RARB: variants seen among roughly 807,000 people sequenced by gnomAD.
RARB encodes retinoic acid receptor beta, also known as HBV-activated protein.
Under a neutral mutation model 51.9 loss-of-function variants are expected in RARB, and 17 were observed. The observed-to-expected ratio is 0.33, with a 90% confidence interval of 0.22 to 0.49. The LOEUF (loss-of-function observed/expected upper bound fraction) is 0.49, where lower values mean the gene tolerates loss of function less well. RARB is among the 20% of genes least tolerant of loss of function. RARB has a pLI of 0.99. For missense variants in RARB, 369 were observed against 550.8 expected (o/e 0.67, Z 3.30); for synonymous variants, 215 against 195.4 (o/e 1.10, Z -0.84).
At chr3:25,345,375 C>A (rs114591161) in intron 5 of RARB, among the ~76,000 whole-genome samples, 6,354 of 152,108 alleles carry the variant, frequency 0.042, 165 homozygotes, top group Middle Eastern at 0.061. Flanking sequence ...AAACTATAAG[C>A]AATTCATCTG....
chr3:25,078,583 C>T (rs1028233196), intron 3 of RARB, among the ~76,000 whole-genome samples: 1 of 147,894 alleles, frequency 6.8e-6, no homozygotes, highest in Admixed American at 6.8e-5. Flanking sequence ...GTTGCCCAGG[C>T]TGGAGTGCAG....
intron 2 of RARB, among the ~76,000 whole-genome samples, chr3:24,903,199 C>T (rs2125373237): frequency 6.6e-6 from 1 of 152,042 alleles, no homozygotes; most frequent in Admixed American, 6.5e-5. Context: ...TTTTTTATCT[C>T]TTACAATAGG....
chr3:24,872,186 C>T (rs75607755), intron 2 of RARB, among the ~76,000 whole-genome samples: 1 of 152,138 alleles, frequency 6.6e-6, no homozygotes, highest in African/African-American at 2.4e-5. Context: ...TTCCAACATA[C>T]CCCCTTTCTG....
intron 2 of RARB, among the ~76,000 whole-genome samples, chr3:25,012,710 C>T (rs1318179441): frequency 2.0e-5 from 3 of 152,080 alleles, no homozygotes; most frequent in African/African-American, 7.2e-5. Flanking sequence ...AAATGAGACA[C>T]CTTATCTTAT....
intron 2 of RARB, among the ~76,000 whole-genome samples, chr3:25,474,759 CTTG>C (rs1695870772): frequency 6.6e-6 from 1 of 152,092 alleles, no homozygotes; most frequent in African/African-American, 2.4e-5. Flanking sequence ...TCTGCTAATT[CTTG>C]TTATTTCACT....
chr3:25,483,865 C>T (rs939161274), intron 2 of RARB, among the ~76,000 whole-genome samples: 14 of 152,066 alleles, frequency 9.2e-5, no homozygotes, highest in Admixed American at 5.9e-4. Flanking sequence ...GAAAATGAAG[C>T]GTGATTATAA....
chr3:25,511,448 A>G (rs1372710896), intron 3 of RARB, among the ~76,000 whole-genome samples: 1 of 151,478 alleles, frequency 6.6e-6, no homozygotes, highest in Non-Finnish European at 1.5e-5. Flanking sequence ...TTTATTTTTT[A>G]CCCTACCTTT....
In RARB at chr3:25,019,387, G is replaced by C. The variant is rs530200056; in HGVS notation, c.-379-40738G>C. Reference sequence around the variant, plus strand: ...TATGATAGACAAAGGGTAGCATGGAGGGAGATAAGCCATGCAATTGCTAGT... The same window carrying C: ...TATGATAGACAAAGGGTAGCATGGACGGAGATAAGCCATGCAATTGCTAGT... On this transcript the variant is annotated intron_variant, in intron 2 of 11. Transcript: ENST00000383772. 2.6e-5 allele frequency among the ~76,000 whole-genome samples: 4 copies of C among 152,280 alleles called. No homozygotes were observed. The South Asian group carries it at 8.3e-4, about 32-fold the overall frequency.
At chr3:25,429,756 AAATG>A (rs1708129219) in intron 1 of RARB, among the ~76,000 whole-genome samples, 1 of 152,236 alleles carries the variant, frequency 6.6e-6, no homozygotes, top group South Asian at 2.1e-4. Context: ...CAGGCTTGAG[AAATG>A]ATCAGGAGTC....
chr3:25,039,895 G>A (rs572807625), intron 2 of RARB, among the ~76,000 whole-genome samples: 1 of 152,306 alleles, frequency 6.6e-6, no homozygotes, highest in South Asian at 2.1e-4. Flanking sequence ...ATTCGTGGCT[G>A]GGTAGAAGAC....
chr3:25,010,330 T>G (rs1697367674), intron 2 of RARB, among the ~76,000 whole-genome samples: 1 of 152,112 alleles, frequency 6.6e-6, no homozygotes, highest in Admixed American at 6.6e-5. Flanking sequence ...TTAAATAAAC[T>G]AAATCAGAAT....
chr3:24,907,198 C>T (rs977518521), intron 2 of RARB, among the ~76,000 whole-genome samples: 2 of 152,128 alleles, frequency 1.3e-5, no homozygotes, highest in Admixed American at 1.3e-4. Flanking sequence ...TATTTCAGGG[C>T]TGGAGTGGTA....
At chr3:25,297,604 G>T (rs1703946894) in intron 5 of RARB, among the ~76,000 whole-genome samples, 2 of 152,128 alleles carry the variant, frequency 1.3e-5, no homozygotes, top group South Asian at 4.2e-4. Context: ...AGCTAATCAT[G>T]TACAGGGAAA....
chr3:24,988,942 C>G (rs1344509407), intron 2 of RARB, among the ~76,000 whole-genome samples: 1 of 152,192 alleles, frequency 6.6e-6, no homozygotes, highest in African/African-American at 2.4e-5. Flanking sequence ...TCTCCTGCCT[C>G]AGCTTCCTGA....
At chr3:24,891,297 C>T (rs1340976143) in intron 2 of RARB, among the ~76,000 whole-genome samples, 3 of 152,176 alleles carry the variant, frequency 2.0e-5, no homozygotes, top group Admixed American at 2.0e-4. Context: ...CTCTACCCAA[C>T]TAATAGCAGG....
chr3:24,926,444 T>C (rs1166044685), intron 2 of RARB, among the ~76,000 whole-genome samples: 1 of 152,058 alleles, frequency 6.6e-6, no homozygotes, highest in Non-Finnish European at 1.5e-5. Context: ...TGAAGAGAGA[T>C]TGTTGACCCG....
chr3:25,468,633 G>T (rs546418073), intron 2 of RARB, among the ~76,000 whole-genome samples: 1 of 151,916 alleles, frequency 6.6e-6, no homozygotes. Context: ...TAGAGTGGGG[G>T]TTTCATAGGC....
chr3:25,294,857 A>G (rs981175046), intron 5 of RARB, among the ~76,000 whole-genome samples: 1 of 152,088 alleles, frequency 6.6e-6, no homozygotes, highest in African/African-American at 2.4e-5. Context: ...AGCTTTGCAG[A>G]TTTGCTCTCA....
chr3:25,249,681 A>ATT (rs775744919), intron 5 of RARB, among the ~76,000 whole-genome samples: 2,138 of 95,232 alleles, frequency 0.022, 29 homozygotes, highest in Non-Finnish European at 0.034. Flanking sequence ...TCTCTGTATG[A>ATT]TTTTTTTTTT....
Sources: allele counts gnomAD v4.1 joint callset (sites outside exome capture counted in the v4.1 genomes callset), GRCh38; gene constraint gnomAD v4.1.1; transcripts MANE v1.5; gene names NCBI Gene and HGNC (gene_info 2026-07-23, HGNC 2026-07-21).